ADCY8: variants seen among roughly 807,000 people sequenced by gnomAD.
The protein encoded by ADCY8 is adenylate cyclase type 8.
ADCY8 carries 51 observed loss-of-function variants against 119.7 expected under a neutral mutation model. The observed-to-expected ratio is 0.43, with a 90% CI of 0.34 to 0.54. The LOEUF is 0.54. Among genes scored for constraint, ADCY8 ranks in the 20% least tolerant of loss-of-function variants. ADCY8 has a pLI of 0.03. For synonymous variants in ADCY8, 665 were observed against 651.0 expected (o/e 1.02, Z -0.33); for missense variants, 1,383 against 1,598.8 (o/e 0.87, Z 2.30).
intron 2 of ADCY8, among the ~76,000 whole-genome samples, chr8:130,957,170 C>A (rs550346864): frequency 6.6e-6 from 1 of 152,194 alleles, no homozygotes; most frequent in East Asian, 1.9e-4. Context: ...ATGGCTTTGA[C>A]CATAATGCTG....
At chr8:130,789,588 G>C (rs139653861) in intron 15 of ADCY8, among the ~76,000 whole-genome samples, 127 of 152,150 alleles carry the variant, frequency 8.3e-4, no homozygotes, top group African/African-American at 3.0e-3. Context: ...AACTTCACCC[G>C]ATATCCATAA....
chr8:130,784,521 C>G (rs1815190608), intron 16 of ADCY8, among the ~76,000 whole-genome samples: 1 of 152,150 alleles, frequency 6.6e-6, no homozygotes, highest in African/African-American at 2.4e-5. Flanking sequence ...GGCTAGATAG[C>G]CAATATTTTA....
At chr8:130,790,295 C>T (rs180960068) in intron 15 of ADCY8, among the ~76,000 whole-genome samples, 10 of 152,144 alleles carry the variant, frequency 6.6e-5, no homozygotes, top group South Asian at 2.1e-4. Flanking sequence ...CCATGGGATG[C>T]GTTGGCTTTG....
At chr8:131,034,694 A>G (rs1234183836) in intron 1 of ADCY8, among the ~76,000 whole-genome samples, 2 of 152,156 alleles carry the variant, frequency 1.3e-5, no homozygotes, top group African/African-American at 4.8e-5. Flanking sequence ...TTGTACAGTT[A>G]TCTTGGAGAA....
At chr8:130,866,790 C>T (rs750906185) in intron 9 of ADCY8, among the ~76,000 whole-genome samples, 3 of 152,112 alleles carry the variant, frequency 2.0e-5, no homozygotes, top group Admixed American at 6.5e-5. Context: ...TCCTCATCTA[C>T]GAATGGGAAT....
intron 15 of ADCY8, among the ~76,000 whole-genome samples, chr8:130,799,575 C>T (rs7000229): frequency 0.3 from 45,476 of 152,076 alleles, 7,325 homozygotes; most frequent in Middle Eastern, 0.36. Context: ...TGCATTACTG[C>T]ACCTCCTTTT....
chr8:131,027,902 G>C (rs75334367), intron 1 of ADCY8, among the ~76,000 whole-genome samples: 3,367 of 152,276 alleles, frequency 0.022, 142 homozygotes, highest in African/African-American at 0.075. Flanking sequence ...TGAGAAAGAA[G>C]AGTATGTAAC....
intron 1 of ADCY8, among the ~76,000 whole-genome samples, chr8:130,999,763 G>A (rs913156160): frequency 3.9e-5 from 6 of 152,336 alleles, no homozygotes; most frequent in South Asian, 2.1e-4. Flanking sequence ...GATTGTGTGC[G>A]TGGAAAGACC....
At chr8:130,928,464 G>A (rs1400310856) in intron 5 of ADCY8, among the ~76,000 whole-genome samples, 1 of 152,090 alleles carries the variant, frequency 6.6e-6, no homozygotes, top group Non-Finnish European at 1.5e-5. Flanking sequence ...CTAATTAATT[G>A]AGAATTTTCA....
intron 1 of ADCY8, among the ~76,000 whole-genome samples, chr8:131,038,236 T>A (rs1214166037): frequency 6.6e-6 from 1 of 152,160 alleles, no homozygotes; most frequent in Non-Finnish European, 1.5e-5. Flanking sequence ...GCATCATCTA[T>A]TCAAATTCGA....
chr8:130,879,603 T>TA (rs146021403), intron 8 of ADCY8, among the ~76,000 whole-genome samples: 1,930 of 152,224 alleles, frequency 0.013, 47 homozygotes, highest in African/African-American at 0.044. Context: ...GATTTTATCC[T>TA]AAAAATAAAT....
chr8:130,827,877 G>A (rs1412955354), intron 12 of ADCY8, among the ~76,000 whole-genome samples: 2 of 152,164 alleles, frequency 1.3e-5, no homozygotes, highest in African/African-American at 4.8e-5. Context: ...GCATCTGTCA[G>A]CCAGTTAAAA....
At chr8:130,950,940 C>T (rs1253087583) in intron 3 of ADCY8, among the ~76,000 whole-genome samples, 6 of 152,122 alleles carry the variant, frequency 3.9e-5, no homozygotes, top group Non-Finnish European at 2.9e-5. Flanking sequence ...CCTCGTGATC[C>T]GCCCACCTTG....
intron 9 of ADCY8, among the ~76,000 whole-genome samples, chr8:130,852,075 A>AG (rs2130326556): frequency 6.6e-6 from 1 of 152,210 alleles, no homozygotes; most frequent in Admixed American, 6.5e-5. Context: ...CAGCAAAGGG[A>AG]GTTTATGAAG....
chr8:130,894,046 A>G (rs982606483), intron 7 of ADCY8, among the ~76,000 whole-genome samples: 3 of 152,142 alleles, frequency 2.0e-5, no homozygotes, highest in Non-Finnish European at 2.9e-5. Flanking sequence ...TAAATTGCTC[A>G]TGTTTGGTGT....
intron 5 of ADCY8, among the ~76,000 whole-genome samples, chr8:130,927,577 C>T (rs1189626849): frequency 6.6e-6 from 1 of 152,116 alleles, no homozygotes; most frequent in Non-Finnish European, 1.5e-5. Flanking sequence ...TTTCGTTATG[C>T]AGAAAGTTTT....
intron 7 of ADCY8, among the ~76,000 whole-genome samples, chr8:130,895,819 G>C (rs1432846939): frequency 2.0e-5 from 3 of 152,152 alleles, no homozygotes; most frequent in Non-Finnish European, 4.4e-5. Flanking sequence ...AAATATGCCT[G>C]TGATTCTCTG....
In ADCY8 at chr8:130,811,816, C is replaced by T. The variant is rs117899384; in HGVS notation, c.2913+2253G>A. On this transcript the variant is annotated intron_variant, in intron 14 of 17. Transcript: ENST00000286355. ...TGTCCTTGTAAGGCTCCTCCTAACA[C>T]GAAACCCAAAGATGTCCCCTGTGGG... Among the ~76,000 whole-genome samples the T allele has an allele frequency of 6.5e-3, 995 of 152,254 alleles. 5 individuals are homozygous for T. The highest frequency in any genetic ancestry group is 0.011 in the Non-Finnish European group (728 of 68,022).
At chr8:131,006,867 G>A (rs1442427974) in intron 1 of ADCY8, among the ~76,000 whole-genome samples, 1 of 152,168 alleles carries the variant, frequency 6.6e-6, no homozygotes, top group Non-Finnish European at 1.5e-5. Flanking sequence ...CGTTTCCATG[G>A]AGGCTTTGTT....
Sources: allele counts gnomAD v4.1 joint callset (sites outside exome capture counted in the v4.1 genomes callset), GRCh38; gene constraint gnomAD v4.1.1; transcripts MANE v1.5; gene names NCBI Gene and HGNC (gene_info 2026-07-23, HGNC 2026-07-21).